The following PRRC1 variants were observed in gnomAD, a reference collection of about 807,000 sequenced individuals.
The protein encoded by PRRC1 is proline rich coiled-coil 1.
In PRRC1, 39 loss-of-function variants were observed where a neutral mutation model predicts 40.7. The ratio of observed to expected loss-of-function variants is 0.96; its 90% CI spans 0.74 to 1.25. The LOEUF (loss-of-function observed/expected upper bound fraction) is 1.25. Among genes scored for constraint, PRRC1 ranks in the 50% most tolerant of loss-of-function variants. The pLI, the probability that PRRC1 is intolerant of heterozygous loss-of-function variation, is 0.00. For missense variants in PRRC1, 573 were observed against 548.3 expected, an observed-to-expected ratio of 1.05 and a Z score of -0.45; for synonymous variants, 175 against 193.3, an observed-to-expected ratio of 0.91 and a Z score of 0.79.
intron 7 of PRRC1, among the ~76,000 whole-genome samples, chr5:127,546,749 G>A (rs1020716823): frequency 2.0e-5 from 3 of 152,104 alleles, no homozygotes; most frequent in African/African-American, 7.2e-5. Flanking sequence ...ATTATTGTCT[G>A]CAAATTATGC....
intron 3 of PRRC1, among the ~76,000 whole-genome samples, chr5:127,525,423 A>C (rs1264538845): frequency 6.6e-5 from 10 of 152,318 alleles, no homozygotes; most frequent in Non-Finnish European, 1.3e-4. Context: ...TATTCAATTA[A>C]TCAGTTAATG....
At chr5:127,522,645 A>C (rs184779018) in intron 1 of PRRC1, among the ~76,000 whole-genome samples, 2 of 147,368 alleles carry the variant, frequency 1.4e-5, no homozygotes, top group East Asian at 4.0e-4. Flanking sequence ...TCCCACCTCT[A>C]CCTCCCAAAG....
chr5:127,534,664 G>A lies in PRRC1; in HGVS notation c.921+878G>A, dbSNP rs762404364. Among the ~76,000 whole-genome samples, 24 of 151,786 alleles carry A rather than the reference G, an allele frequency of 1.6e-4. 1 individual carries two copies. The highest frequency in any genetic ancestry group is 2.4e-4 in the African/African-American group (10 of 41,312). ...CTCCTCTTCTCTCCAGTCTTCTGAC[G>A]GTCACCTTCTCATCAATTCACTCTC... On this transcript the variant is annotated intron_variant, in intron 6 of 8. Coordinates refer to ENST00000296666, the MANE Select transcript of PRRC1 (RefSeq NM_130809.5).
At chr5:127,528,605 C>T (rs1230799006) in intron 4 of PRRC1, among the ~76,000 whole-genome samples, 4 of 152,046 alleles carry the variant, frequency 2.6e-5, no homozygotes, top group South Asian at 2.1e-4. Context: ...TGTGAGCCAC[C>T]GCAGGCAGCC....
intron 8 of PRRC1, 144 bp downstream of exon 8, chr5:127,548,065 T>G: frequency 1.4e-6 from 1 of 713,840 alleles, no homozygotes; most frequent in Non-Finnish European, 2.5e-6. Context: ...TTTCTTTGCT[T>G]TTTAATTTCC....
Position 127,553,965 on chromosome 5 carries a change from T to C in PRRC1, c.*2049T>C, listed in dbSNP as rs186478482. 7.4e-6 allele frequency: 11 copies of C among 1,489,950 alleles called. No homozygotes were observed. Among genetic ancestry groups the C allele is most frequent in the East Asian group, 2.5e-5 (1 of 40,306 alleles). 92.3% of individuals were successfully genotyped at this position (1,489,950 alleles called of 1,614,324 possible). ...GAAGAGAGAAATACATGAACTGCTC[T>C]GGCCTCTCTGGTTCTGTTCTTGGCC... On this transcript the variant is annotated 3_prime_UTR_variant, in exon 9 of 9. Transcript: ENST00000296666.
At chr5:127,532,843 T>G (rs1361671067) in intron 5 of PRRC1, among the ~76,000 whole-genome samples, 1 of 152,230 alleles carries the variant, frequency 6.6e-6, no homozygotes, top group Admixed American at 6.5e-5. Flanking sequence ...TTGCCGGTGA[T>G]AACTATTAAT....
chr5:127,553,747 A>ATG lies in PRRC1; in HGVS notation c.*1833_*1834dup. On this transcript the variant is annotated 3_prime_UTR_variant, in exon 9 of 9. Coordinates refer to ENST00000296666, the MANE Select transcript of PRRC1 (RefSeq NM_130809.5). ...TTACCAAGTCACAAATGTCTTTTTG[A>ATG]TGTTTTGAGAATTGTTCTCATAGAA... The ATG allele has an allele frequency of 6.6e-7, 1 of 1,516,826 alleles. No individual in the cohort carries two copies. Among genetic ancestry groups the ATG allele is most frequent in the Non-Finnish European group, 8.8e-7 (1 of 1,140,990 alleles). 94.0% of individuals were successfully genotyped at this position (1,516,826 alleles called of 1,614,324 possible). A position where few individuals can be genotyped will look rare whatever the true frequency, so the allele number is the denominator to read the frequency against.
chr5:127,524,695 A>G lies in PRRC1; in HGVS notation c.268A>G (p.Met90Val), dbSNP rs761076773. 2.2e-5 allele frequency: 36 copies of G among 1,613,876 alleles called. No homozygotes were observed. The highest frequency in any genetic ancestry group is 6.6e-5 in the South Asian group (6 of 91,072). Reference sequence around the variant, plus strand: ...TTCTGTCCCACCACTTGTTACTTCTATGCCACCTCCTGTTTCTCCATCAAC... The same window carrying G: ...TTCTGTCCCACCACTTGTTACTTCTGTGCCACCTCCTGTTTCTCCATCAAC... ...VPSVPPLVTS[M>V]PPPVSPSTAA... The change falls in exon 3 of 9, where the codon ATG (methionine) becomes GTG (valine). Residue 90 changes from methionine to valine, a missense_variant. Physicochemically the swap from Met to Val is conservative, Grantham distance 21 (BLOSUM62 1). Transcript: ENST00000296666.
Position 127,552,003 on chromosome 5 carries a change from C to A in PRRC1, c.*87C>A. On this transcript the variant is annotated 3_prime_UTR_variant, in exon 9 of 9. Coordinates refer to ENST00000296666, the MANE Select transcript of PRRC1 (RefSeq NM_130809.5). ...GTTGTACCTTCCTAAATCGAATAGTCTAAATGAATCCAGTAGTTTTTATCA... is the reference window on the plus strand; with the variant it reads ...GTTGTACCTTCCTAAATCGAATAGTATAAATGAATCCAGTAGTTTTTATCA... 1 of 1,547,734 alleles carries A rather than the reference C, an allele frequency of 6.5e-7. No individual in the cohort carries two copies. Among genetic ancestry groups the A allele is most frequent in the South Asian group, 1.2e-5 (1 of 82,102 alleles).
In PRRC1 at chr5:127,533,735, T is replaced by C. The variant is rs1209488188; in HGVS notation, c.870T>C (p.Ala290=). Residue 290 remains alanine (A), a synonymous_variant, in exon 6 of 9, where the codon GCT becomes GCC. Coordinates refer to ENST00000296666, the MANE Select transcript of PRRC1 (RefSeq NM_130809.5). The part of the protein sequence containing the change: ...VFGLAVVVGE[A]GQSNIAPQPV... ...GCTTAGCTGTGGTTGTAGGGGAAGC[T>C]GGACAGTCCAATATTGCCCCACAAC... is the stretch of plus-strand genomic sequence containing the variant. 6.2e-7 allele frequency: 1 copy of C among 1,614,124 alleles called. No homozygotes were observed. Among genetic ancestry groups the C allele is most frequent in the Non-Finnish European group, 8.5e-7 (1 of 1,179,988 alleles).
intron 2 of PRRC1, 74 bp from the exon 3 acceptor site, chr5:127,524,457 G>T: frequency 6.8e-7 from 1 of 1,468,358 alleles, no homozygotes; most frequent in Non-Finnish European, 9.1e-7. Context: ...CAAGAAGAAA[G>T]TAATTAGACA....
chr5:127,535,646 A>G (rs1053685232), intron 6 of PRRC1, among the ~76,000 whole-genome samples: 6 of 152,164 alleles, frequency 3.9e-5, no homozygotes, highest in Admixed American at 1.3e-4. Context: ...ATTTTCATAT[A>G]TGACATTCTG....
intron 4 of PRRC1, among the ~76,000 whole-genome samples, chr5:127,529,048 G>A (rs1580933909): frequency 6.6e-6 from 1 of 152,140 alleles, no homozygotes; most frequent in Admixed American, 6.5e-5. Flanking sequence ...GTTCAAGTCT[G>A]CATTTATAAA....
chr5:127,553,300 T>A lies in PRRC1; in HGVS notation c.*1384T>A, dbSNP rs868331273. ...ATTTGGTTTCTGCTATTTTTTTACCTGAGGATAAGAAGAATGAATATTAAA... is the reference window on the plus strand; with the variant it reads ...ATTTGGTTTCTGCTATTTTTTTACCAGAGGATAAGAAGAATGAATATTAAA... On this transcript the variant is annotated 3_prime_UTR_variant, in exon 9 of 9. Transcript: ENST00000296666. 4 of 986,156 alleles carry A rather than the reference T, an allele frequency of 4.1e-6. No individual in the cohort carries two copies. The highest frequency in any genetic ancestry group is 5.2e-4 in the Middle Eastern group (1 of 1,936). The allele number at this position is 986,156 out of a possible 1,614,324, so 61.1% of individuals were successfully genotyped here.
Position 127,554,764 on chromosome 5 carries a change from G to T in PRRC1, c.*2848G>T, listed in dbSNP as rs1768483420. ...ATAGTATAAGTATCTAAGTGCAGATGAAAGTGTGTTATATACATCCATTCA... is the reference window on the plus strand; with the variant it reads ...ATAGTATAAGTATCTAAGTGCAGATTAAAGTGTGTTATATACATCCATTCA... On this transcript the variant is annotated 3_prime_UTR_variant, in exon 9 of 9. Transcript: ENST00000296666. 1 of 152,632 alleles carries T rather than the reference G, an allele frequency of 6.6e-6. No homozygotes were observed. The highest frequency in any genetic ancestry group is 2.4e-5 in the African/African-American group (1 of 41,448). The allele number at this position is 152,632 out of a possible 1,614,324, so 9.5% of individuals were successfully genotyped here. A position where few individuals can be genotyped will look rare whatever the true frequency, so the allele number is the denominator to read the frequency against.
chr5:127,544,522 G>A (rs1340798340), intron 7 of PRRC1, among the ~76,000 whole-genome samples: 3 of 152,234 alleles, frequency 2.0e-5, no homozygotes, highest in African/African-American at 7.2e-5. Context: ...TTGAGCTGTG[G>A]TGGGCTCCAC....
intron 8 of PRRC1, chr5:127,548,339 C>T (rs1314249244): frequency 3.3e-6 from 1 of 304,680 alleles, no homozygotes; most frequent in East Asian, 6.8e-5. Flanking sequence ...GTGAAATCAA[C>T]ATTAGAAACC....
rs371106756 is a variant in PRRC1 at position 127,530,367 on chromosome 5, C to T, written c.728C>T (p.Thr243Met). The change falls in exon 5 of 9, where the codon ACG (threonine) becomes ATG (methionine). Residue 243 changes from threonine (T) to methionine (M), a missense_variant. Thr to Met is a moderately conservative substitution (Grantham distance 81). Coordinates refer to ENST00000296666, the MANE Select transcript of PRRC1 (RefSeq NM_130809.5). ...CATTCAGTAGAAAGCATGATTACAA[C>T]GCTGGACCCTGGCATGGCTCCCTAT... ...TKHSVESMITTLDPGMAPYIK... is the reference protein window; with the variant it reads ...TKHSVESMITMLDPGMAPYIK... The T allele has an allele frequency of 8.7e-6, 14 of 1,613,788 alleles. No individual in the cohort carries two copies. The highest frequency in any genetic ancestry group is 6.7e-5 in the Admixed American group (4 of 59,994).
Sources: gnomAD v4.1 joint callset for allele counts (sites outside exome capture counted in the v4.1 genomes callset) on GRCh38, gnomAD v4.1.1 for gene constraint, MANE v1.5 for transcripts, NCBI Gene and HGNC (gene_info 2026-07-23, HGNC 2026-07-21) for gene names.